The following ANKS1B variants were observed in gnomAD, a reference collection of about 807,000 sequenced individuals.
ANKS1B encodes the protein ankyrin repeat and sterile alpha motif domain-containing protein 1B.
Under a neutral mutation model 148.3 loss-of-function variants are expected in ANKS1B, and 36 were observed. The ratio of observed to expected loss-of-function variants is 0.24; its 90% confidence interval spans 0.19 to 0.32. ANKS1B has a LOEUF of 0.32. Among genes scored for constraint, ANKS1B ranks in the 10% least tolerant of loss-of-function variants. ANKS1B has a pLI of 1.00. For synonymous variants in ANKS1B, 542 were observed against 560.8 expected, an observed-to-expected ratio of 0.97 and a Z score of 0.47; for missense variants, 1,157 against 1,542.6, an observed-to-expected ratio of 0.75 and a Z score of 4.19.
chr12:99,272,110 G>A (rs1479470584), intron 12 of ANKS1B, among the ~76,000 whole-genome samples: 1 of 152,042 alleles, frequency 6.6e-6, no homozygotes, highest in Admixed American at 6.6e-5. Context: ...ACCCTAGTAT[G>A]AAAAAATTTA....
chr12:99,426,638 T>A (rs1232586369), intron 11 of ANKS1B, among the ~76,000 whole-genome samples: 1 of 152,182 alleles, frequency 6.6e-6, no homozygotes, highest in Non-Finnish European at 1.5e-5. Flanking sequence ...AGTAATGTAA[T>A]TAATATACTT....
rs185401838 is a variant in ANKS1B at position 99,683,699 on chromosome 12, T to G, written c.1129-28489A>C. ...AAAGAAAACAAAAAACCAATATCCC[T>G]TATGAACATAGATGCAAAAATCCTC... is the stretch of plus-strand genomic sequence containing the variant. On this transcript the variant is annotated intron_variant, in intron 8 of 26. Coordinates refer to ENST00000683438, the MANE Select transcript of ANKS1B (RefSeq NM_001352186.2). Among the ~76,000 whole-genome samples, 195 of 152,190 alleles carry G rather than the reference T, an allele frequency of 1.3e-3. 1 individual carries two copies. The highest frequency in any genetic ancestry group is 4.4e-3 in the African/African-American group (182 of 41,522).
intron 1 of ANKS1B, among the ~76,000 whole-genome samples, chr12:99,850,289 CTCTCTCTCT>C (rs1565858492): frequency 2.0e-5 from 3 of 150,474 alleles, no homozygotes; most frequent in Admixed American, 6.6e-5. Context: ...AAGTCTCTCT[CTCTCTCTCT>C]CTCTCTCTCT....
intron 17 of ANKS1B, among the ~76,000 whole-genome samples, chr12:98,995,506 G>C (rs2099929007): frequency 1.3e-5 from 2 of 152,188 alleles, no homozygotes; most frequent in South Asian, 4.1e-4. Context: ...AGGTTCTACG[G>C]CAATTAAGTA....
chr12:99,568,779 T>G (rs924091746), intron 9 of ANKS1B, among the ~76,000 whole-genome samples: 7 of 152,118 alleles, frequency 4.6e-5, no homozygotes, highest in African/African-American at 1.7e-4. Context: ...GTCAAATAAG[T>G]AAAAGTAGGT....
Position 99,183,635 on chromosome 12 carries a change from C to A in ANKS1B, c.2420-29240G>T, listed in dbSNP as rs559256464. On this transcript the variant is annotated intron_variant, in intron 14 of 26. Coordinates refer to ENST00000683438, the MANE Select transcript of ANKS1B (RefSeq NM_001352186.2). ...TCCAGCCTGGGTAACAAGAGCAAAA[C>A]TCCATCTCCAAAAACAACAACAATA... 4.6e-5 allele frequency among the ~76,000 whole-genome samples: 7 copies of A among 152,116 alleles called. No homozygotes were observed. In the South Asian group the frequency reaches 1.2e-3, roughly 27 times the overall value.
intron 15 of ANKS1B, among the ~76,000 whole-genome samples, chr12:99,146,914 C>T (rs1426363335): frequency 6.6e-6 from 1 of 152,138 alleles, no homozygotes; most frequent in Non-Finnish European, 1.5e-5. Context: ...TTGACCAGAT[C>T]CGCCTGTTTT....
chr12:99,250,989 T>C (rs1163798778), intron 12 of ANKS1B, among the ~76,000 whole-genome samples: 4 of 152,102 alleles, frequency 2.6e-5, no homozygotes, highest in African/African-American at 9.7e-5. Flanking sequence ...AGAGGGTTAA[T>C]TTTCTGGTTC....
intron 4 of ANKS1B, among the ~76,000 whole-genome samples, chr12:99,796,234 C>A (rs1364319367): frequency 6.6e-6 from 1 of 151,924 alleles, no homozygotes; most frequent in African/African-American, 2.4e-5. Flanking sequence ...ATGTCCCAGG[C>A]AGGACAAAGT....
chr12:98,958,766 C>A (rs1243112930), intron 17 of ANKS1B, among the ~76,000 whole-genome samples: 1 of 152,118 alleles, frequency 6.6e-6, no homozygotes, highest in Non-Finnish European at 1.5e-5. Context: ...ACAGCCACTG[C>A]TTATGTGTTT....
chr12:99,369,337 T>C (rs749088276), intron 12 of ANKS1B, among the ~76,000 whole-genome samples: 1 of 152,110 alleles, frequency 6.6e-6, no homozygotes, highest in Non-Finnish European at 1.5e-5. Flanking sequence ...CAGACAAATA[T>C]AGAATGTGAT....
intron 12 of ANKS1B, among the ~76,000 whole-genome samples, chr12:99,394,871 T>C (rs2094193810): frequency 6.6e-6 from 1 of 152,058 alleles, no homozygotes; most frequent in African/African-American, 2.4e-5. Flanking sequence ...TATTCAGATA[T>C]TCAGTAGGCA....
intron 1 of ANKS1B, among the ~76,000 whole-genome samples, chr12:99,911,703 G>A (rs937165153): frequency 5.3e-5 from 8 of 152,050 alleles, no homozygotes; most frequent in Middle Eastern, 3.4e-3. Flanking sequence ...AAAACCCAAC[G>A]TACTCATCAT....
intron 12 of ANKS1B, among the ~76,000 whole-genome samples, chr12:99,367,078 C>T (rs887588725): frequency 6.6e-6 from 1 of 152,080 alleles, no homozygotes; most frequent in African/African-American, 2.4e-5. Flanking sequence ...CCAATAGCAC[C>T]CCTTTCCCAG....
intron 17 of ANKS1B, among the ~76,000 whole-genome samples, chr12:98,901,268 C>T (rs920377456): frequency 6.6e-6 from 1 of 152,142 alleles, no homozygotes; most frequent in Non-Finnish European, 1.5e-5. Context: ...GAGATGGGTG[C>T]AAGGGATACA....
intron 10 of ANKS1B, among the ~76,000 whole-genome samples, chr12:99,448,445 G>A (rs911740673): frequency 5.9e-5 from 9 of 152,086 alleles, no homozygotes; most frequent in African/African-American, 1.4e-4. Context: ...GGACTGGGGA[G>A]ATGTTGGTCA....
At chr12:99,494,969 T>C (rs1159179231) in intron 10 of ANKS1B, among the ~76,000 whole-genome samples, 1 of 152,010 alleles carries the variant, frequency 6.6e-6, no homozygotes, top group Non-Finnish European at 1.5e-5. Flanking sequence ...TCTGGTAAAT[T>C]CTATTTTCTT....
chr12:99,515,169 G>C (rs180882333), intron 9 of ANKS1B, among the ~76,000 whole-genome samples: 4 of 147,278 alleles, frequency 2.7e-5, no homozygotes, highest in African/African-American at 1.1e-4. Flanking sequence ...CTTGTGTTAC[G>C]TAAGTCCAAT....
intron 12 of ANKS1B, among the ~76,000 whole-genome samples, chr12:99,374,272 T>A (rs920569346): frequency 1.3e-5 from 2 of 152,116 alleles, no homozygotes; most frequent in Non-Finnish European, 2.9e-5. Flanking sequence ...GAAAAAAAAA[T>A]CTATTCCCAG....
Sources: allele counts gnomAD v4.1 joint callset (sites outside exome capture counted in the v4.1 genomes callset), GRCh38; gene constraint gnomAD v4.1.1; transcripts MANE v1.5; gene names NCBI Gene and HGNC (gene_info 2026-07-23, HGNC 2026-07-21).